The following SOCS3 variants were observed in gnomAD, a reference collection of about 807,000 sequenced individuals.
SOCS3 encodes STAT-induced STAT inhibitor 3.
SOCS3 carries 5 observed loss-of-function variants against 11.7 expected under a neutral mutation model. That is an observed-to-expected ratio of 0.43 (90% CI 0.22 to 0.90). The LOEUF is 0.90. Ranked by LOEUF, SOCS3 falls within the 40% of genes least tolerant of loss-of-function variation. The pLI is 0.27. For synonymous variants in SOCS3, 143 were observed against 136.3 expected (o/e 1.05, Z -0.34); for missense variants, 203 against 302.0 (o/e 0.67, Z 2.43).
chr17:78,358,574 G>A lies in SOCS3; in HGVS notation c.522C>T (p.Ile174=), dbSNP rs1192865909. ...AGAGGGGCCGGCTCAACACCAGGGG[G>A]ATCTTCTCGCCCCCGGAGTAGATGT... is the stretch of plus-strand genomic sequence containing the variant. The part of the protein sequence containing the change: ...AYYIYSGGEK[I]PLVLSRPLSS... Residue 174 remains isoleucine, a synonymous_variant, in exon 2 of 2, where the codon ATC becomes ATT. Coordinates refer to ENST00000330871, the MANE Select transcript of SOCS3 (RefSeq NM_003955.5). The surrounding 1 kb of genome is among the most constrained non-coding windows in gnomAD (Gnocchi z 4.7). 1 of 1,613,150 alleles carries A rather than the reference G, an allele frequency of 6.2e-7. No homozygotes were observed. The highest frequency in any genetic ancestry group is 8.5e-7 in the Non-Finnish European group (1 of 1,179,914).
rs1418682243 is a variant in SOCS3 at position 78,358,088 on chromosome 17, G to C, written c.*330C>G. ...TTCCCTGGCAGTTCTCATTAGTTCA[G>C]CATTCCCGAAGTGTCCCCTGTTTGG... On this transcript the variant is annotated 3_prime_UTR_variant, in exon 2 of 2. Transcript: ENST00000330871. The surrounding 1 kb of genome is among the most constrained non-coding windows in gnomAD (Gnocchi z 4.7). The C allele has an allele frequency of 1.2e-5, 4 of 334,782 alleles. No homozygotes were observed. Among genetic ancestry groups the C allele is most frequent in the Non-Finnish European group, 1.7e-5 (3 of 178,334 alleles). 20.7% of individuals were successfully genotyped at this position (334,782 alleles called of 1,614,324 possible). A position where few individuals can be genotyped will look rare whatever the true frequency, so the allele number is the denominator to read the frequency against.
rs1199705091 is a variant in SOCS3 at position 78,358,211 on chromosome 17, G to T, written c.*207C>A. 6.9e-6 allele frequency: 4 copies of T among 578,472 alleles called. No homozygotes were observed. The highest frequency in any genetic ancestry group is 1.2e-5 in the Non-Finnish European group (4 of 325,482). The allele number at this position is 578,472 out of a possible 1,614,324, so 35.8% of individuals were successfully genotyped here. A position where few individuals can be genotyped will look rare whatever the true frequency, so the allele number is the denominator to read the frequency against. ...TCCTCCGGAGAAGCTGGAGACTCAG[G>T]TGGTACTCCCCCTTCCCTCCAACAC... On this transcript the variant is annotated 3_prime_UTR_variant, in exon 2 of 2. Coordinates refer to ENST00000330871, the MANE Select transcript of SOCS3 (RefSeq NM_003955.5). The surrounding 1 kb of genome is among the most constrained non-coding windows in gnomAD (Gnocchi z 4.7).
upstream of SOCS3, chr17:78,360,193 G>C (rs2081601383): frequency 6.6e-6 from 1 of 152,574 alleles, no homozygotes; most frequent in Non-Finnish European, 1.5e-5. This position sits in a 1 kb window ranked among gnomAD's most constrained non-coding sequence, Gnocchi z 5.6. Context: ...AGCAGAGAAA[G>C]GCTGAGCGCG....
At position 78,357,485 on chromosome 17, in the gene SOCS3, G is replaced by A. The variant is rs1274098405; in HGVS notation, c.*933C>T. ...CTCAGCCTCTCCACCCATCCAGGCT[G>A]AGTATGTGGCTTTCCTATGCTGGGT... On this transcript the variant is annotated 3_prime_UTR_variant, in exon 2 of 2. Coordinates refer to ENST00000330871, the MANE Select transcript of SOCS3 (RefSeq NM_003955.5). The surrounding 1 kb of genome is among the most constrained non-coding windows in gnomAD (Gnocchi z 7.0). The A allele has an allele frequency of 6.6e-6, 1 of 152,288 alleles. No individual in the cohort carries two copies. Among genetic ancestry groups the A allele is most frequent in the Non-Finnish European group, 1.5e-5 (1 of 68,088 alleles). 9.4% of individuals were successfully genotyped at this position (152,288 alleles called of 1,614,324 possible).
Position 78,358,393 on chromosome 17 carries a change from C to G in SOCS3, c.*25G>C, listed in dbSNP as rs372123703. 21 of 1,611,492 alleles carry G rather than the reference C, an allele frequency of 1.3e-5. No homozygotes were observed. Among genetic ancestry groups the G allele is most frequent in the Non-Finnish European group, 1.8e-5 (21 of 1,178,410 alleles). On this transcript the variant is annotated 3_prime_UTR_variant, in exon 2 of 2. Coordinates refer to ENST00000330871, the MANE Select transcript of SOCS3 (RefSeq NM_003955.5). This position sits in a 1 kb window ranked among gnomAD's most constrained non-coding sequence, Gnocchi z 4.7. ...AGGGGCCTGCGTCCCCTCTCCCGAC[C>G]CATGCCCTTTGCGCCCTTTACCCCT... is the stretch of plus-strand genomic sequence containing the variant.
At chr17:78,360,856 C>G (rs1046932235), upstream of SOCS3, 6 of 152,662 alleles carry the variant, frequency 3.9e-5, no homozygotes, top group African/African-American at 1.4e-4. The surrounding 1 kb of genome is among the most constrained non-coding windows in gnomAD (Gnocchi z 5.6). Context: ...GTCTGCAAAC[C>G]TGGTTGGTCC....
At chr17:78,359,393 C>T (rs902339168) in intron 1 of SOCS3, among the ~76,000 whole-genome samples, 1 of 152,094 alleles carries the variant, frequency 6.6e-6, no homozygotes, top group Non-Finnish European at 1.5e-5. Context: ...CCTTCCCAGG[C>T]GCGCACTGCA....
rs1223284636 is a variant in SOCS3 at position 78,356,930 on chromosome 17, G to A, written c.*1488C>T. ...TAGCCTCAAGGGCCTGAGTAGGGGG[G>A]AGGAGAGAGGACTGGAGGTGGAATC... On this transcript the variant is annotated 3_prime_UTR_variant, in exon 2 of 2. Transcript: ENST00000330871. The surrounding 1 kb of genome is among the most constrained non-coding windows in gnomAD (Gnocchi z 6.1). 5 of 152,526 alleles carry A rather than the reference G, an allele frequency of 3.3e-5. No homozygotes were observed. Among genetic ancestry groups the A allele is most frequent in the Non-Finnish European group, 7.3e-5 (5 of 68,036 alleles). The allele number at this position is 152,526 out of a possible 1,614,324, so 9.4% of individuals were successfully genotyped here. A position where few individuals can be genotyped will look rare whatever the true frequency, so the allele number is the denominator to read the frequency against.
intron 1 of SOCS3, among the ~76,000 whole-genome samples, 191 bp from the exon 2 acceptor site, chr17:78,359,374 C>G (rs890729469): frequency 4.6e-5 from 7 of 152,122 alleles, no homozygotes; most frequent in African/African-American, 1.7e-4. Context: ...AGGGTGGCCC[C>G]GGGCAGCCCC....
rs980046535 is a variant in SOCS3 at position 78,356,786 on chromosome 17, T to TA, written c.*1631dup. ...AAAAGGCTCAAGTCATGTTTTTCAT[T>TA]AAAAAATAGTGCTCTTTATTATAAA... On this transcript the variant is annotated 3_prime_UTR_variant, in exon 2 of 2. Transcript: ENST00000330871. This position sits in a 1 kb window ranked among gnomAD's most constrained non-coding sequence, Gnocchi z 6.1. The TA allele has an allele frequency of 6.6e-6, 1 of 152,498 alleles. No individual in the cohort carries two copies. The highest frequency in any genetic ancestry group is 1.5e-5 in the Non-Finnish European group (1 of 68,006). 9.4% of individuals were successfully genotyped at this position (152,498 alleles called of 1,614,324 possible).
In SOCS3 at chr17:78,358,683, G is replaced by A. The variant is rs2081587116; in HGVS notation, c.413C>T (p.Ser138Leu). 1 of 1,607,896 alleles carries A rather than the reference G, an allele frequency of 6.2e-7. No homozygotes were observed. ...CTCGGAGGAGGGTTCAGTAGGTGGC[G>A]AGGGGAAGGAGGGGGCTCCAGGGGG... ...MPPPGAPSFPSPPTEPSSEVP... is the reference protein window; with the variant it reads ...MPPPGAPSFPLPPTEPSSEVP... The change falls in exon 2 of 2, where the codon TCG (serine) becomes TTG (leucine). Residue 138 changes from serine (S) to leucine (L), a missense_variant. Ser to Leu is a moderately radical substitution (Grantham distance 145). Around this residue, in one of 3 missense-constraint regions of SOCS3, gnomAD observed 141 missense variants for 200.5 expected, o/e 0.70. Coordinates refer to ENST00000330871, the MANE Select transcript of SOCS3 (RefSeq NM_003955.5). The surrounding 1 kb of genome is among the most constrained non-coding windows in gnomAD (Gnocchi z 4.7).
At position 78,358,300 on chromosome 17, in the gene SOCS3, T is replaced by C. The variant is rs1251413579; in HGVS notation, c.*118A>G. On this transcript the variant is annotated 3_prime_UTR_variant, in exon 2 of 2. Coordinates refer to ENST00000330871, the MANE Select transcript of SOCS3 (RefSeq NM_003955.5). This position sits in a 1 kb window ranked among gnomAD's most constrained non-coding sequence, Gnocchi z 4.7. ...AGAGGGAGGGGCCTGTCCGCCCTCT[T>C]TCCCCCCAGAGCTACAGGACTCTCT... is the stretch of plus-strand genomic sequence containing the variant. The C allele has an allele frequency of 3.1e-6, 3 of 962,508 alleles. No individual in the cohort carries two copies. Among genetic ancestry groups the C allele is most frequent in the Non-Finnish European group, 4.8e-6 (3 of 627,186 alleles). 59.6% of individuals were successfully genotyped at this position (962,508 alleles called of 1,614,324 possible). A position where few individuals can be genotyped will look rare whatever the true frequency, so the allele number is the denominator to read the frequency against.
chr17:78,359,532 G>A (rs2081595147), intron 1 of SOCS3, among the ~76,000 whole-genome samples: 1 of 152,156 alleles, frequency 6.6e-6, no homozygotes, highest in Non-Finnish European at 1.5e-5. Flanking sequence ...CGGTGTGGAC[G>A]GAGGGAGAAA....
intron 1 of SOCS3, 35 bp from the exon 2 acceptor site, chr17:78,359,218 C>T (rs2081592198): frequency 9.4e-7 from 1 of 1,065,896 alleles, no homozygotes; most frequent in African/African-American, 1.7e-5. Context: ...GTTGAGTGCC[C>T]GGAACCCTCC....
intron 1 of SOCS3, 25 bp from the exon 2 acceptor site, chr17:78,359,208 G>C: frequency 1.7e-6 from 2 of 1,195,750 alleles, no homozygotes; most frequent in Non-Finnish European, 2.3e-6. Flanking sequence ...GCGCGAGCGC[G>C]TTGAGTGCCC....
At position 78,358,652 on chromosome 17, in the gene SOCS3, G is replaced by C. The variant is rs776834652; in HGVS notation, c.444C>G (p.Pro148=). Residue 148 remains proline (P), a synonymous_variant, in exon 2 of 2, where the codon CCC becomes CCG. Coordinates refer to ENST00000330871, the MANE Select transcript of SOCS3 (RefSeq NM_003955.5). This position sits in a 1 kb window ranked among gnomAD's most constrained non-coding sequence, Gnocchi z 4.7. The part of the protein sequence containing the change: ...SPPTEPSSEV[P]EQPSAQPLPG... ...GGAGTGGCTGGGCAGACGGCTGCTC[G>C]GGCACCTCGGAGGAGGGTTCAGTAG... is the stretch of plus-strand genomic sequence containing the variant. 3.7e-5 allele frequency: 59 copies of C among 1,605,148 alleles called. No individual in the cohort carries two copies. Among genetic ancestry groups the C allele is most frequent in the Non-Finnish European group, 4.9e-5 (58 of 1,174,408 alleles).
rs781058907 is a variant in SOCS3, at chr17:78,358,489, A to C, written c.607T>G (p.Ser203Ala). The C allele has an allele frequency of 1.9e-6, 3 of 1,613,600 alleles. No individual in the cohort carries two copies. Among genetic ancestry groups the C allele is most frequent in the African/African-American group, 2.7e-5 (2 of 74,870 alleles). Reference sequence around the variant, plus strand: ...GGCAGCTGGGTGACTTTCTCATAGGAGTCCAGGTGGCCGTTGACGGTCTTC... The same window carrying C: ...GGCAGCTGGGTGACTTTCTCATAGGCGTCCAGGTGGCCGTTGACGGTCTTC... ...CRKTVNGHLDSYEKVTQLPGP... is the reference protein window; with the variant it reads ...CRKTVNGHLDAYEKVTQLPGP... Residue 203 changes from serine to alanine, a missense_variant, in exon 2 of 2, where the codon TCC becomes GCC. By Grantham distance (99) the Ser-to-Ala change is moderately conservative. Coordinates refer to ENST00000330871, the MANE Select transcript of SOCS3 (RefSeq NM_003955.5). This position sits in a 1 kb window ranked among gnomAD's most constrained non-coding sequence, Gnocchi z 4.7.
intron 1 of SOCS3, among the ~76,000 whole-genome samples, chr17:78,359,458 G>C (rs950875569): frequency 1.3e-5 from 2 of 152,174 alleles, no homozygotes; most frequent in African/African-American, 4.8e-5. Flanking sequence ...GAGTGTGGCC[G>C]GGTGGGGAGC....
At position 78,356,926 on chromosome 17, in the gene SOCS3, G is replaced by T. The variant is rs992948499; in HGVS notation, c.*1492C>A. On this transcript the variant is annotated 3_prime_UTR_variant, in exon 2 of 2. Transcript: ENST00000330871. This position sits in a 1 kb window ranked among gnomAD's most constrained non-coding sequence, Gnocchi z 6.1. ...CTAATAGCCTCAAGGGCCTGAGTAG[G>T]GGGGAGGAGAGAGGACTGGAGGTGG... The T allele has an allele frequency of 1.3e-5, 2 of 152,482 alleles. No individual in the cohort carries two copies. The highest frequency in any genetic ancestry group is 2.9e-5 in the Non-Finnish European group (2 of 68,028). 9.4% of individuals were successfully genotyped at this position (152,482 alleles called of 1,614,324 possible).
Sources: allele counts gnomAD v4.1 joint callset (sites outside exome capture counted in the v4.1 genomes callset), GRCh38; gene constraint gnomAD v4.1.1; regional missense constraint gnomAD v4.1.1; non-coding constraint Gnocchi (gnomAD v3.1); transcripts MANE v1.5; gene names NCBI Gene and HGNC (gene_info 2026-07-23, HGNC 2026-07-21).